Variants in ABR observed in about 807,000 individuals in gnomAD.
ABR encodes active breakpoint cluster region-related protein.
ABR carries 35 observed loss-of-function variants against 107.2 expected under a neutral mutation model. The observed-to-expected ratio is 0.33, with a 90% CI of 0.25 to 0.43. ABR has a LOEUF of 0.43. ABR is among the 20% of genes least tolerant of loss of function. ABR has a pLI of 1.00. For synonymous variants in ABR, 498 were observed against 462.0 expected (o/e 1.08, Z -1.00); for missense variants, 815 against 1,115.2 (o/e 0.73, Z 3.83).
rs2040674078 is a variant in ABR at position 1,148,924 on chromosome 17, C to A, written c.62-23557G>T. Among the ~76,000 whole-genome samples, 1 of 151,956 alleles carries A rather than the reference C, an allele frequency of 6.6e-6. No individual in the cohort carries two copies. The highest frequency in any genetic ancestry group is 2.4e-5 in the African/African-American group (1 of 41,332). On this transcript the variant is annotated intron_variant, in intron 1 of 22. Transcript: ENST00000302538. This position sits in a 1 kb window ranked among gnomAD's most constrained non-coding sequence, Gnocchi z 4.9. ...GTTTTTGTTTTTGTTTTTTTTGAGACAGAGTCTCACTCTGTCACCCAGGCT... is the reference window on the plus strand; with the variant it reads ...GTTTTTGTTTTTGTTTTTTTTGAGAAAGAGTCTCACTCTGTCACCCAGGCT...
chr17:1,079,030 G>A (rs2035981883), intron 6 of ABR: 1 of 1,447,064 alleles, frequency 6.9e-7, no homozygotes, highest in Non-Finnish European at 9.1e-7. Context: ...GAGGCGCGTG[G>A]CGAGGAGAGG....
At chr17:1,034,853 T>G (rs1306840912) in intron 16 of ABR, among the ~76,000 whole-genome samples, 1 of 152,072 alleles carries the variant, frequency 6.6e-6, no homozygotes, top group African/African-American at 2.4e-5. Context: ...CGCCCCTCCC[T>G]GCCGCCGGGT....
At chr17:1,108,881 T>C (rs1392924747) in intron 2 of ABR, 2 of 1,522,848 alleles carry the variant, frequency 1.3e-6, no homozygotes, top group Non-Finnish European at 1.8e-6. Flanking sequence ...CCGCGCACCT[T>C]CGGCAGCGCC....
In ABR at chr17:1,179,773, G is replaced by C. The variant is rs1265826665; in HGVS notation, c.-46C>G. The C allele has an allele frequency of 2.3e-6, 1 of 443,884 alleles. No individual in the cohort carries two copies. The highest frequency in any genetic ancestry group is 4.2e-6 in the Non-Finnish European group (1 of 237,262). 27.5% of individuals were successfully genotyped at this position (443,884 alleles called of 1,614,324 possible). On this transcript the variant is annotated 5_prime_UTR_variant, in exon 1 of 23. Transcript: ENST00000302538. The surrounding 1 kb of genome is among the most constrained non-coding windows in gnomAD (Gnocchi z 4.9). ...AGATCCGAAACCCGACCCTCATCGC[G>C]CAACAAAGGAGGGAGAGCGGGCGGG...
At chr17:1,081,869 G>A (rs139652873) in intron 5 of ABR, among the ~76,000 whole-genome samples, 9 of 152,176 alleles carry the variant, frequency 5.9e-5, no homozygotes, top group Non-Finnish European at 1.0e-4. Context: ...GAGCCGCCAC[G>A]CCCGGCTTCT....
intron 16 of ABR, among the ~76,000 whole-genome samples, chr17:1,034,222 G>T (rs773137800): frequency 6.6e-6 from 1 of 151,942 alleles, no homozygotes; most frequent in Non-Finnish European, 1.5e-5. Context: ...CACAGTGCTG[G>T]GTTTACAGGC....
intron 1 of ABR, chr17:1,177,827 G>A (rs1487741932): frequency 6.6e-6 from 1 of 152,266 alleles, no homozygotes; most frequent in Non-Finnish European, 1.5e-5. Context: ...CGGGTCAGGA[G>A]CTGATCTGCA....
chr17:1,153,164 C>G (rs1476917300), intron 1 of ABR, among the ~76,000 whole-genome samples: 1 of 152,240 alleles, frequency 6.6e-6, no homozygotes. Context: ...GTCTGGACCC[C>G]TTTCTTGCCC....
intron 22 of ABR, among the ~76,000 whole-genome samples, chr17:1,006,762 G>A (rs1275864029): frequency 6.6e-6 from 1 of 150,668 alleles, no homozygotes; most frequent in Non-Finnish European, 1.5e-5. Context: ...GGGCCCGGGC[G>A]GTGCCAGGGT....
intron 1 of ABR, 115 bp from the exon 2 acceptor site, chr17:1,125,482 C>A (rs1484489464): frequency 1.7e-6 from 2 of 1,210,582 alleles, no homozygotes; most frequent in African/African-American, 3.1e-5. Context: ...GCCGCACCAT[C>A]CACGCCTGGC....
chr17:1,041,147 T>C (rs936409857), intron 16 of ABR, among the ~76,000 whole-genome samples: 16 of 151,860 alleles, frequency 1.1e-4, no homozygotes, highest in South Asian at 8.4e-4. Context: ...CTCGAACTCC[T>C]GACCTCATGA....
intron 1 of ABR, among the ~76,000 whole-genome samples, chr17:1,152,973 TC>T (rs1368425459): frequency 6.6e-6 from 1 of 151,928 alleles, no homozygotes; most frequent in Non-Finnish European, 1.5e-5. Context: ...ACGCCTGTAG[TC>T]CCAGCTACTT....
chr17:1,137,098 C>A (rs1387511878), intron 1 of ABR, among the ~76,000 whole-genome samples: 1 of 151,788 alleles, frequency 6.6e-6, no homozygotes, highest in Non-Finnish European at 1.5e-5. Context: ...GGCTGGAGTG[C>A]AGCGGCACAA....
upstream of ABR, among the ~76,000 whole-genome samples, chr17:1,180,277 G>T (rs887517139): frequency 6.6e-6 from 1 of 151,990 alleles, no homozygotes; most frequent in South Asian, 2.1e-4. Context: ...GCCGTGGGGG[G>T]CCCGGGAGCC....
intron 2 of ABR, among the ~76,000 whole-genome samples, chr17:1,107,188 G>C (rs1056457822): frequency 1.3e-5 from 2 of 152,244 alleles, no homozygotes; most frequent in Admixed American, 1.3e-4. Flanking sequence ...GTGCTCACGG[G>C]GACCCAGGAG....
upstream of ABR, among the ~76,000 whole-genome samples, chr17:1,188,769 T>C (rs2042369404): frequency 6.6e-6 from 1 of 152,150 alleles, no homozygotes; most frequent in African/African-American, 2.4e-5. Flanking sequence ...CACACTGCTT[T>C]GGATGTCCTT....
intron 3 of ABR, among the ~76,000 whole-genome samples, chr17:1,099,707 G>A (rs374179711): frequency 2.6e-5 from 4 of 152,154 alleles, no homozygotes; most frequent in South Asian, 2.1e-4. Context: ...TTTATCTTCC[G>A]AAAACATTTT....
rs1169117921 is a variant in ABR, at chr17:1,210,754, C to T, written c.838+18039G>A. ...ACTCCTATCTACTCACACACAAACT[C>T]AAAAGGGCTTTTTCCTCCATGCTTT... On this transcript the variant is annotated intron_variant, in intron 1 of 22. Coordinates refer to the ABR transcript ENST00000574139. This position sits in a 1 kb window ranked among gnomAD's most constrained non-coding sequence, Gnocchi z 5.6. Among the ~76,000 whole-genome samples the T allele has an allele frequency of 6.6e-6, 1 of 152,200 alleles. No homozygotes were observed. The highest frequency in any genetic ancestry group is 1.9e-4 in the East Asian group (1 of 5,202).
intron 16 of ABR, among the ~76,000 whole-genome samples, chr17:1,033,860 C>T (rs934413899): frequency 2.6e-5 from 4 of 152,128 alleles, no homozygotes; most frequent in African/African-American, 9.7e-5. Flanking sequence ...CCTGCCCCTT[C>T]CAGGGCTCCA....
Sources: allele counts gnomAD v4.1 joint callset (sites outside exome capture counted in the v4.1 genomes callset), GRCh38; gene constraint gnomAD v4.1.1; non-coding constraint Gnocchi (gnomAD v3.1); transcripts MANE v1.5; gene names NCBI Gene and HGNC (gene_info 2026-07-23, HGNC 2026-07-21).